Variants in COL26A1 observed in about 807,000 individuals in gnomAD.
COL26A1 encodes the protein collagen alpha-1(XXVI) chain.
COL26A1 carries 41 observed loss-of-function variants against 59.3 expected under a neutral mutation model. That is an observed-to-expected ratio of 0.69 (90% CI 0.54 to 0.90). The LOEUF (loss-of-function observed/expected upper bound fraction) is 0.90. COL26A1 is among the 40% of genes least tolerant of loss of function. COL26A1 has a pLI of 0.00. For synonymous variants in COL26A1, 266 were observed against 256.0 expected, an observed-to-expected ratio of 1.04 and a Z score of -0.37; for missense variants, 612 against 602.3, an observed-to-expected ratio of 1.02 and a Z score of -0.17.
chr7:101,520,664 C>CACACACACACACACACACA lies in COL26A1; in HGVS notation c.386-12418_386-12417insACACACACACACACACACA, dbSNP rs1554341000. Among the ~76,000 whole-genome samples, 143 of 95,954 alleles carry CACACACACACACACACACA rather than the reference C, an allele frequency of 1.5e-3. 1 individual carries two copies. The highest frequency in any genetic ancestry group is 2.8e-3 in the African/African-American group (60 of 21,328). 62.9% of individuals were successfully genotyped at this position (95,954 alleles called of 152,430 possible). On this transcript the variant is annotated intron_variant, in intron 3 of 12. Coordinates refer to ENST00000313669, the MANE Select transcript of COL26A1 (RefSeq NM_001278563.3). ...CACACACACACACACACACACACAC[C>CACACACACACACACACACA]CCCGTGTTCTTGCATGTTTTTGCTC...
rs556033596 is a variant in COL26A1 at position 101,373,314 on chromosome 7, A to G, written c.158+10124A>G. 2.6e-5 allele frequency among the ~76,000 whole-genome samples: 4 copies of G among 152,352 alleles called. No individual in the cohort carries two copies. In the East Asian group the frequency reaches 7.7e-4, roughly 29 times the overall value. On this transcript the variant is annotated intron_variant, in intron 1 of 12. Transcript: ENST00000313669. ...TGTCTCCAGTGCCTGGGGGACACCA[A>G]GGAGCCTGCTGCTTTGCTTCTCAGA...
intron 3 of COL26A1, among the ~76,000 whole-genome samples, chr7:101,509,996 G>A (rs1794889054): frequency 6.7e-6 from 1 of 148,554 alleles, no homozygotes. Flanking sequence ...CCAAAGTACT[G>A]GGATTATAGG....
chr7:101,556,794 G>A (rs1378034240), intron 12 of COL26A1, among the ~76,000 whole-genome samples: 3 of 152,016 alleles, frequency 2.0e-5, no homozygotes, highest in Admixed American at 1.3e-4. Context: ...GGACAGGTAG[G>A]TGGGTGAATA....
intron 1 of COL26A1, among the ~76,000 whole-genome samples, chr7:101,373,768 C>G (rs1302675698): frequency 1.3e-5 from 2 of 152,178 alleles, no homozygotes; most frequent in African/African-American, 4.8e-5. Context: ...CACAGAATGG[C>G]TTTGATGTTA....
intron 3 of COL26A1, among the ~76,000 whole-genome samples, chr7:101,483,990 AGTGTGTGTGTGTGT>A (rs55863250): frequency 3.8e-4 from 48 of 128,000 alleles, no homozygotes; most frequent in South Asian, 2.3e-3. Context: ...AACTTTTTAA[AGTGTGTGTGTGTGT>A]GTGTGTGTGT....
chr7:101,432,091 G>T (rs1379618330), intron 2 of COL26A1, among the ~76,000 whole-genome samples: 1 of 151,460 alleles, frequency 6.6e-6, no homozygotes, highest in Non-Finnish European at 1.5e-5. Context: ...TTCCCGAGTA[G>T]CGGGGATTAC....
intron 3 of COL26A1, among the ~76,000 whole-genome samples, chr7:101,525,987 C>T (rs1485395104): frequency 6.6e-6 from 1 of 152,172 alleles, no homozygotes; most frequent in Non-Finnish European, 1.5e-5. Flanking sequence ...ATGCTGCCCT[C>T]CTATTGGCCA....
At chr7:101,521,071 A>G (rs1306529894) in intron 3 of COL26A1, among the ~76,000 whole-genome samples, 1 of 152,222 alleles carries the variant, frequency 6.6e-6, no homozygotes, top group Admixed American at 6.5e-5. Flanking sequence ...GGAAACTTAC[A>G]ATCATGGTGG....
At chr7:101,544,497 G>C (rs976230820) in intron 6 of COL26A1, among the ~76,000 whole-genome samples, 1 of 150,456 alleles carries the variant, frequency 6.6e-6, no homozygotes, top group Admixed American at 6.6e-5. Context: ...AAAGTGCTGG[G>C]ATTACAGGCG....
intron 1 of COL26A1, among the ~76,000 whole-genome samples, chr7:101,412,805 C>T (rs943561450): frequency 3.9e-5 from 6 of 152,168 alleles, no homozygotes; most frequent in Admixed American, 2.6e-4. Context: ...TGCAACACCA[C>T]TGGCTTGTCC....
At position 101,463,771 on chromosome 7, in the gene COL26A1, T is replaced by TTCTTTCTTTCTTTCTC. The variant is rs142635850; in HGVS notation, c.385+15999_385+16000insCTCTTTCTTTCTTTCT. ...CTTCCTCCCTTCCCCTTTTCCTTCC[T>TTCTTTCTTTCTTTCTC]TCTTTCTTTCTTTCTTCCTTTCTTT... is the stretch of plus-strand genomic sequence containing the variant. On this transcript the variant is annotated intron_variant, in intron 3 of 12. Transcript: ENST00000313669. Among the ~76,000 whole-genome samples, 28 of 81,756 alleles carry TTCTTTCTTTCTTTCTC rather than the reference T, an allele frequency of 3.4e-4. 1 individual carries two copies. Among genetic ancestry groups the TTCTTTCTTTCTTTCTC allele is most frequent in the Admixed American group, 2.4e-3 (17 of 7,120 alleles). The allele number at this position is 81,756 out of a possible 152,430, so 53.6% of individuals were successfully genotyped here.
intron 3 of COL26A1, among the ~76,000 whole-genome samples, chr7:101,468,578 G>A (rs1390600023): frequency 1.3e-5 from 2 of 152,204 alleles, no homozygotes; most frequent in African/African-American, 2.4e-5. Context: ...CCTGGTTATC[G>A]TAAACTTCCT....
chr7:101,538,201 G>C (rs190132820), intron 4 of COL26A1, among the ~76,000 whole-genome samples: 4 of 152,118 alleles, frequency 2.6e-5, no homozygotes, highest in Non-Finnish European at 5.9e-5. Context: ...GCTGTGGCCC[G>C]TCAGCTTCTT....
At chr7:101,544,193 G>A (rs757986326) in intron 6 of COL26A1, 97 bp downstream of exon 6, 1 of 841,700 alleles carries the variant, frequency 1.2e-6, no homozygotes, top group Non-Finnish European at 1.8e-6. Context: ...CGCACCCACA[G>A]CCCTGATCTT....
chr7:101,494,499 A>G (rs1794538662), intron 3 of COL26A1, among the ~76,000 whole-genome samples: 1 of 152,238 alleles, frequency 6.6e-6, no homozygotes. Context: ...GTTTGGTGAA[A>G]GTAAAGGCGT....
At chr7:101,491,822 A>G (rs761950405) in intron 3 of COL26A1, among the ~76,000 whole-genome samples, 1 of 152,080 alleles carries the variant, frequency 6.6e-6, no homozygotes, top group Non-Finnish European at 1.5e-5. Flanking sequence ...CTGACCTCCT[A>G]TCTCATCCTG....
intron 2 of COL26A1, among the ~76,000 whole-genome samples, chr7:101,423,035 C>T (rs771926598): frequency 5.9e-5 from 9 of 151,904 alleles, no homozygotes; most frequent in Non-Finnish European, 7.4e-5. Context: ...GAGTCTGAGG[C>T]GGGTGAATCA....
intron 1 of COL26A1, among the ~76,000 whole-genome samples, chr7:101,407,622 G>C (rs1481484282): frequency 6.6e-6 from 1 of 151,856 alleles, no homozygotes; most frequent in Non-Finnish European, 1.5e-5. Flanking sequence ...CCTCAGTGAG[G>C]TAGGAGATGG....
At chr7:101,428,956 C>T (rs1792712148) in intron 2 of COL26A1, among the ~76,000 whole-genome samples, 1 of 148,610 alleles carries the variant, frequency 6.7e-6, no homozygotes, top group East Asian at 2.0e-4. Flanking sequence ...GACGGAGTCT[C>T]ACTCTGTTGC....
Sources: allele counts gnomAD v4.1 joint callset (sites outside exome capture counted in the v4.1 genomes callset), GRCh38; gene constraint gnomAD v4.1.1; transcripts MANE v1.5; gene names NCBI Gene and HGNC (gene_info 2026-07-23, HGNC 2026-07-21).